The following ASTN2 variants were observed in gnomAD, a reference collection of about 807,000 sequenced individuals.
ASTN2 encodes astrotactin-2.
ASTN2 carries 54 observed loss-of-function variants against 139.8 expected under a neutral mutation model. The ratio of observed to expected loss-of-function variants is 0.39; its 90% confidence interval spans 0.31 to 0.48. The LOEUF (loss-of-function observed/expected upper bound fraction) is 0.48, where lower values mean the gene tolerates loss of function less well. Among genes scored for constraint, ASTN2 ranks in the 20% least tolerant of loss-of-function variants. The pLI, the probability that ASTN2 is intolerant of heterozygous loss-of-function variation, is 0.95. For missense variants in ASTN2, 1,565 were observed against 1,725.1 expected (o/e 0.91, Z 1.64); for synonymous variants, 756 against 719.5 (o/e 1.05, Z -0.81).
chr9:116,969,080 T>C (rs2418449), intron 10 of ASTN2, among the ~76,000 whole-genome samples: 42,707 of 151,918 alleles, frequency 0.28, 6,282 homozygotes, highest in Admixed American at 0.37. Context: ...GTTAAGGTGC[T>C]CCTCATTCAA....
At chr9:116,987,433 A>C (rs1218434174) in intron 7 of ASTN2, among the ~76,000 whole-genome samples, 1 of 152,176 alleles carries the variant, frequency 6.6e-6, no homozygotes, top group African/African-American at 2.4e-5. Context: ...CAGCCAGGGC[A>C]ACCCTTTCCA....
intron 16 of ASTN2, among the ~76,000 whole-genome samples, chr9:116,687,866 C>T (rs1860351523): frequency 6.6e-6 from 1 of 151,646 alleles, no homozygotes; most frequent in Non-Finnish European, 1.5e-5. Context: ...TAGGGCGATC[C>T]TAAGTGCTAT....
chr9:116,971,126 G>A (rs2132518724), intron 10 of ASTN2, among the ~76,000 whole-genome samples: 1 of 152,272 alleles, frequency 6.6e-6, no homozygotes, highest in East Asian at 1.9e-4. Context: ...GTACACAGGA[G>A]GGATCCAGCT....
intron 1 of ASTN2, among the ~76,000 whole-genome samples, chr9:117,384,217 A>T (rs1447286892): frequency 6.6e-6 from 1 of 152,324 alleles, no homozygotes; most frequent in African/African-American, 2.4e-5. Flanking sequence ...TGCCAAAGAA[A>T]GAGATGGATG....
chr9:117,229,265 C>T (rs1832814292), intron 2 of ASTN2, among the ~76,000 whole-genome samples: 1 of 152,164 alleles, frequency 6.6e-6, no homozygotes, highest in Non-Finnish European at 1.5e-5. Flanking sequence ...CGCCCCCAAG[C>T]CCTACCATGA....
At chr9:117,164,401 G>T (rs1303272453) in intron 3 of ASTN2, among the ~76,000 whole-genome samples, 5 of 152,092 alleles carry the variant, frequency 3.3e-5, no homozygotes, top group African/African-American at 1.2e-4. Flanking sequence ...GACTGTCATT[G>T]GGTGTAAATG....
At chr9:116,503,693 C>T (rs770181917) in intron 19 of ASTN2, among the ~76,000 whole-genome samples, 1 of 152,166 alleles carries the variant, frequency 6.6e-6, no homozygotes, top group Middle Eastern at 3.4e-3. Context: ...ATACATACTG[C>T]AATGTAAAAT....
rs141328737 is a variant in ASTN2 at position 117,187,635 on chromosome 9, G to A, written c.1015+26723C>T. On this transcript the variant is annotated intron_variant, in intron 3 of 22. Transcript: ENST00000313400. ...AAACTAGGTTGGCTGTCTGTCACGAGTCTCCCTGGTCATGTGATGCCCTGC... is the reference window on the plus strand; with the variant it reads ...AAACTAGGTTGGCTGTCTGTCACGAATCTCCCTGGTCATGTGATGCCCTGC... Among the ~76,000 whole-genome samples, 56 of 152,274 alleles carry A rather than the reference G, an allele frequency of 3.7e-4. No individual in the cohort carries two copies. In the East Asian group the frequency reaches 0.011, roughly 29 times the overall value.
At chr9:117,109,269 G>T (rs1463692158) in intron 4 of ASTN2, among the ~76,000 whole-genome samples, 1 of 151,464 alleles carries the variant, frequency 6.6e-6, no homozygotes, top group Non-Finnish European at 1.5e-5. Context: ...GCGACAGAGG[G>T]AGACTCTGTC....
intron 2 of ASTN2, among the ~76,000 whole-genome samples, chr9:117,225,883 C>T (rs150713067): frequency 5.2e-4 from 79 of 152,210 alleles, no homozygotes; most frequent in African/African-American, 1.9e-3. Flanking sequence ...TTAACTCTTA[C>T]TACTATTATT....
At chr9:116,619,466 A>C (rs561764757) in intron 18 of ASTN2, among the ~76,000 whole-genome samples, 1 of 151,660 alleles carries the variant, frequency 6.6e-6, no homozygotes, top group South Asian at 2.1e-4. Context: ...CAACTAAAAC[A>C]TCTCCCCATT....
intron 5 of ASTN2, among the ~76,000 whole-genome samples, chr9:117,091,423 A>G (rs911813317): frequency 1.3e-5 from 2 of 152,148 alleles, no homozygotes; most frequent in African/African-American, 4.8e-5. Context: ...GTACTCAGGG[A>G]GCATATCAGT....
chr9:117,093,449 G>A (rs929916293), intron 5 of ASTN2, among the ~76,000 whole-genome samples: 1 of 152,068 alleles, frequency 6.6e-6, no homozygotes, highest in African/African-American at 2.4e-5. Flanking sequence ...CCAGTAAGTG[G>A]GGGGGCTGGG....
chr9:116,644,666 G>A (rs1857501961), intron 17 of ASTN2, among the ~76,000 whole-genome samples: 1 of 152,134 alleles, frequency 6.6e-6, no homozygotes, highest in South Asian at 2.1e-4. Context: ...GATTTTAATA[G>A]CCCTATCTGC....
intron 22 of ASTN2, among the ~76,000 whole-genome samples, chr9:116,437,975 C>A (rs908206506): frequency 6.6e-6 from 1 of 152,194 alleles, no homozygotes; most frequent in African/African-American, 2.4e-5. Context: ...GAGCTCAAGG[C>A]AGAACTGGCC....
intron 2 of ASTN2, among the ~76,000 whole-genome samples, chr9:117,270,909 C>T (rs561321756): frequency 3.9e-5 from 6 of 152,144 alleles, no homozygotes; most frequent in Non-Finnish European, 8.8e-5. Flanking sequence ...ATAAATGGTC[C>T]TCATTGACCC....
At chr9:116,633,493 G>A (rs1691357507) in intron 17 of ASTN2, among the ~76,000 whole-genome samples, 1 of 152,206 alleles carries the variant, frequency 6.6e-6, no homozygotes, top group African/African-American at 2.4e-5. Context: ...TAAGCCTGCT[G>A]TCCTTTGATA....
chr9:117,229,776 C>T (rs960263160), intron 2 of ASTN2, among the ~76,000 whole-genome samples: 10 of 152,030 alleles, frequency 6.6e-5, no homozygotes, highest in Admixed American at 6.5e-4. Context: ...GTGTTTTGAA[C>T]CAACCAGCAG....
At chr9:117,153,566 G>T (rs867471336) in intron 3 of ASTN2, among the ~76,000 whole-genome samples, 131 of 151,886 alleles carry the variant, frequency 8.6e-4, no homozygotes, top group African/African-American at 3.1e-3. Flanking sequence ...ATTTTTCAAG[G>T]GTCATACACA....
Sources: allele counts gnomAD v4.1 joint callset (sites outside exome capture counted in the v4.1 genomes callset), GRCh38; gene constraint gnomAD v4.1.1; transcripts MANE v1.5; gene names NCBI Gene and HGNC (gene_info 2026-07-23, HGNC 2026-07-21).